Variants in DISC1 observed in about 807,000 individuals in gnomAD.
The protein encoded by DISC1 is disrupted in schizophrenia 1 protein.
DISC1 carries 57 observed loss-of-function variants against 84.5 expected under a neutral mutation model. That is an observed-to-expected ratio of 0.67 (90% CI 0.55 to 0.84). DISC1 has a LOEUF of 0.84. DISC1 is among the 40% of genes least tolerant of loss of function. DISC1 has a pLI of 0.00. For synonymous variants in DISC1, 411 were observed against 415.2 expected (o/e 0.99, Z 0.12); for missense variants, 1,000 against 1,057.8 (o/e 0.95, Z 0.76).
intron 1 of DISC1, among the ~76,000 whole-genome samples, chr1:231,660,183 G>A (rs541695066): frequency 6.7e-6 from 1 of 149,052 alleles, no homozygotes; most frequent in South Asian, 2.1e-4. Flanking sequence ...ATATATTTAG[G>A]ATAGTTAGCT....
At chr1:231,906,973 TTTC>T (rs1396863131) in intron 9 of DISC1, among the ~76,000 whole-genome samples, 5 of 149,810 alleles carry the variant, frequency 3.3e-5, no homozygotes, top group South Asian at 2.1e-4. Context: ...TTTCTTTCTC[TTTC>T]TTTTCTTTCT....
chr1:231,828,064 A>G (rs1558618018), intron 9 of DISC1, among the ~76,000 whole-genome samples: 1 of 152,124 alleles, frequency 6.6e-6, no homozygotes, highest in Non-Finnish European at 1.5e-5. Flanking sequence ...ACCAAATTTT[A>G]TTTGCCAAAA....
intron 5 of DISC1, among the ~76,000 whole-genome samples, chr1:231,767,669 G>C (rs542529196): frequency 6.6e-6 from 1 of 152,222 alleles, no homozygotes; most frequent in Non-Finnish European, 1.5e-5. Flanking sequence ...AGCAATTAGA[G>C]CCTTGGCTGT....
At chr1:231,912,743 TTCTTTCTTTCTTTCTTTC>T (rs1308039672) in intron 9 of DISC1, among the ~76,000 whole-genome samples, 1 of 1,642 alleles carries the variant, frequency 6.1e-4, no homozygotes, top group Non-Finnish European at 1.2e-3. Flanking sequence ...CAGCTTGCTC[TTCTTTCTTTCTTTCTTTC>T]TTTCTTTCTT....
At chr1:231,842,573 T>C (rs1351850398) in intron 9 of DISC1, among the ~76,000 whole-genome samples, 1 of 152,226 alleles carries the variant, frequency 6.6e-6, no homozygotes, top group African/African-American at 2.4e-5. Flanking sequence ...AGCAAACATA[T>C]TCCTTCCTAA....
At chr1:231,652,986 G>A (rs2060766166) in intron 1 of DISC1, among the ~76,000 whole-genome samples, 1 of 152,076 alleles carries the variant, frequency 6.6e-6, no homozygotes, top group African/African-American at 2.4e-5. Context: ...CACCATGTTG[G>A]CCAGGCTGGT....
chr1:231,933,834 T>C (rs1350595746), intron 9 of DISC1, among the ~76,000 whole-genome samples: 1 of 152,150 alleles, frequency 6.6e-6, no homozygotes, highest in African/African-American at 2.4e-5. Context: ...TGGTCAGAGT[T>C]CTGTCATTGG....
chr1:231,985,134 A>C (rs1414334964), intron 10 of DISC1, among the ~76,000 whole-genome samples: 1 of 152,112 alleles, frequency 6.6e-6, no homozygotes, highest in Non-Finnish European at 1.5e-5. Flanking sequence ...CAGCCTGGCC[A>C]ACATGGTGAA....
intron 3 of DISC1, among the ~76,000 whole-genome samples, chr1:231,709,814 C>T (rs958471398): frequency 6.6e-6 from 1 of 152,282 alleles, no homozygotes; most frequent in Non-Finnish European, 1.5e-5. Flanking sequence ...ATGCATCTGC[C>T]TATGAGAATC....
At chr1:231,744,618 A>C (rs779939107) in intron 3 of DISC1, among the ~76,000 whole-genome samples, 2 of 152,172 alleles carry the variant, frequency 1.3e-5, no homozygotes, top group African/African-American at 2.4e-5. Context: ...GGTGAGAGAC[A>C]ACCAAAACTT....
intron 5 of DISC1, among the ~76,000 whole-genome samples, chr1:231,767,938 T>C (rs1226178347): frequency 6.6e-6 from 1 of 152,222 alleles, no homozygotes; most frequent in Non-Finnish European, 1.5e-5. Flanking sequence ...CATGGTAGAC[T>C]GTGAGCTGCA....
chr1:232,006,355 G>C (rs1393889414), intron 10 of DISC1, among the ~76,000 whole-genome samples: 2 of 152,178 alleles, frequency 1.3e-5, no homozygotes, highest in South Asian at 2.1e-4. Context: ...TGCTGATAGT[G>C]ATATGGATAA....
rs374924573 is a variant in DISC1 at position 231,694,147 on chromosome 1, A to G, written c.389A>G (p.Asp130Gly). ...CTCAGAGGTGGCACCAGATTGCCTG[A>G]CAGGCTTAGCTGGCCGTGTGGCCCT... ...IQLRGGTRLPDRLSWPCGPGS... is the reference protein window; with the variant it reads ...IQLRGGTRLPGRLSWPCGPGS... The change falls in exon 2 of 13, where the codon GAC (aspartate) becomes GGC (glycine). Residue 130 changes from aspartate to glycine, a missense_variant. By Grantham distance (94) the Asp-to-Gly change is moderately conservative. Transcript: ENST00000439617. 3 of 1,614,136 alleles carry G rather than the reference A, an allele frequency of 1.9e-6. No homozygotes were observed. Among genetic ancestry groups the G allele is most frequent in the Non-Finnish European group, 2.5e-6 (3 of 1,180,014 alleles).
intron 1 of DISC1, among the ~76,000 whole-genome samples, chr1:231,652,073 G>A (rs745663956): frequency 6.6e-5 from 10 of 152,152 alleles, no homozygotes; most frequent in Non-Finnish European, 1.2e-4. Flanking sequence ...GCCCTGCTTC[G>A]GCTCACCCTG....
At chr1:231,757,906 C>T (rs981883447) in intron 4 of DISC1, among the ~76,000 whole-genome samples, 32 of 151,812 alleles carry the variant, frequency 2.1e-4, no homozygotes, top group African/African-American at 7.5e-4. Context: ...CCCTCCACAA[C>T]TGGGAACCGT....
intron 9 of DISC1, among the ~76,000 whole-genome samples, chr1:231,924,556 A>T (rs2090220133): frequency 6.6e-6 from 1 of 152,170 alleles, no homozygotes; most frequent in Admixed American, 6.5e-5. Context: ...AGATCCGGTG[A>T]TACTGAGAAT....
chr1:231,790,069 T>G (rs1465491210), intron 6 of DISC1, among the ~76,000 whole-genome samples: 2 of 152,174 alleles, frequency 1.3e-5, no homozygotes, highest in African/African-American at 4.8e-5. Flanking sequence ...ATGGTAATGT[T>G]CTACACACGT....
chr1:231,822,107 T>C (rs990809420), intron 9 of DISC1, among the ~76,000 whole-genome samples: 1 of 152,176 alleles, frequency 6.6e-6, no homozygotes, highest in Non-Finnish European at 1.5e-5. Context: ...ATTAATATTG[T>C]TGATTTCGCA....
At chr1:232,032,344 T>C (rs1023450150) in intron 12 of DISC1, among the ~76,000 whole-genome samples, 2 of 152,218 alleles carry the variant, frequency 1.3e-5, no homozygotes, top group Admixed American at 6.5e-5. Flanking sequence ...AGACTCCATC[T>C]AAAGAATTCC....
Sources: allele counts gnomAD v4.1 joint callset (sites outside exome capture counted in the v4.1 genomes callset), GRCh38; gene constraint gnomAD v4.1.1; transcripts MANE v1.5; gene names NCBI Gene and HGNC (gene_info 2026-07-23, HGNC 2026-07-21).